Variants in TMX4 observed in about 807,000 individuals in gnomAD.
The protein encoded by TMX4 is thioredoxin related transmembrane protein 4, also known as thioredoxin-related transmembrane protein 4.
TMX4 carries 23 observed loss-of-function variants against 33.3 expected under a neutral mutation model. The ratio of observed to expected loss-of-function variants is 0.69; its 90% confidence interval spans 0.50 to 0.98. The LOEUF is 0.98. TMX4 is among the 50% of genes least tolerant of loss of function. The pLI, the probability that TMX4 is intolerant of heterozygous loss-of-function variation, is 0.00. For missense variants in TMX4, 399 were observed against 448.9 expected (o/e 0.89, Z 1.01); for synonymous variants, 164 against 161.5 (o/e 1.02, Z -0.12).
chr20:8,019,735 G>T lies in TMX4; in HGVS notation c.-122C>A. On this transcript the variant is annotated 5_prime_UTR_variant, in exon 1 of 8. Coordinates refer to ENST00000246024, the MANE Select transcript of TMX4 (RefSeq NM_021156.4). ...GAGACGCAAGGGCCACCCCGCCTAC[G>T]CCTAGCGGCGCAGACTGGCGGTGCT... 1.2e-6 allele frequency: 1 copy of T among 866,338 alleles called. No individual in the cohort carries two copies. Among genetic ancestry groups the T allele is most frequent in the Non-Finnish European group, 1.5e-6 (1 of 645,196 alleles). The allele number at this position is 866,338 out of a possible 1,614,324, so 53.7% of individuals were successfully genotyped here.
intron 3 of TMX4, among the ~76,000 whole-genome samples, chr20:8,001,068 C>G (rs1368469162): frequency 6.6e-6 from 1 of 152,172 alleles, no homozygotes; most frequent in Non-Finnish European, 1.5e-5. Flanking sequence ...ACCTGAGTCT[C>G]TCTGGCCTCA....
At chr20:8,010,738 C>T (rs2050749503) in intron 1 of TMX4, among the ~76,000 whole-genome samples, 1 of 152,086 alleles carries the variant, frequency 6.6e-6, no homozygotes, top group Non-Finnish European at 1.5e-5. Flanking sequence ...ATCTGATGGG[C>T]AGAGACCAAA....
intron 5 of TMX4, among the ~76,000 whole-genome samples, chr20:7,990,374 T>C (rs1365493289): frequency 1.3e-5 from 2 of 150,858 alleles, no homozygotes; most frequent in African/African-American, 2.5e-5. Context: ...TATACTATCA[T>C]AGTACATGAT....
At chr20:7,987,152 C>T (rs1277975937) in intron 6 of TMX4, 136 bp downstream of exon 6, 3 of 624,764 alleles carry the variant, frequency 4.8e-6, no homozygotes, top group African/African-American at 3.9e-5. Flanking sequence ...CAGTCTCAAA[C>T]AAGCAAATGC....
intron 1 of TMX4, chr20:8,013,996 C>T (rs2050762934): frequency 6.6e-6 from 1 of 152,150 alleles, no homozygotes; most frequent in African/African-American, 2.4e-5. Context: ...ATAAAGGAAA[C>T]TAAATCAAAG....
chr20:7,993,272 G>A (rs1446514401), intron 5 of TMX4, among the ~76,000 whole-genome samples: 1 of 151,986 alleles, frequency 6.6e-6, no homozygotes, highest in Non-Finnish European at 1.5e-5. Context: ...TCCATCCCTA[G>A]TCTATTTCTG....
chr20:8,017,118 G>A (rs1414147821), intron 1 of TMX4, among the ~76,000 whole-genome samples: 2 of 130,330 alleles, frequency 1.5e-5, no homozygotes, highest in Non-Finnish European at 3.3e-5. Context: ...TTCACAGCAA[G>A]GAGGAGGAGT....
chr20:7,988,099 C>G (rs1052046700), intron 5 of TMX4, among the ~76,000 whole-genome samples: 4 of 152,116 alleles, frequency 2.6e-5, no homozygotes, highest in African/African-American at 9.7e-5. Flanking sequence ...AAGAAATTAA[C>G]AGATATGAAC....
intron 1 of TMX4, chr20:8,019,216 G>A (rs2050799157): frequency 1.8e-6 from 1 of 544,484 alleles, no homozygotes; most frequent in Non-Finnish European, 3.1e-6. Context: ...CCCCACAGCC[G>A]CAGGTCGTTG....
chr20:7,993,053 C>T (rs1309826309), intron 5 of TMX4, among the ~76,000 whole-genome samples: 1 of 152,208 alleles, frequency 6.6e-6, no homozygotes, highest in East Asian at 1.9e-4. Context: ...GATATACTTA[C>T]ATCTAACCAG....
chr20:8,009,491 A>C (rs2050743533), intron 2 of TMX4, among the ~76,000 whole-genome samples: 1 of 152,080 alleles, frequency 6.6e-6, no homozygotes, highest in Non-Finnish European at 1.5e-5. Flanking sequence ...CTTTCTTCAT[A>C]ATTGAGATAC....
Position 7,978,105 on chromosome 20 carries a change from T to A in TMX4, c.*4146A>T, listed in dbSNP as rs1034172615. On this transcript the variant is annotated 3_prime_UTR_variant, in exon 8 of 8. Transcript: ENST00000246024. ...TTTCTGTTGGCATAAGAGATTTGAA[T>A]GAATTCTTTCGAAAATGTTGGTACA... 6.6e-6 allele frequency: 1 copy of A among 152,218 alleles called. No individual in the cohort carries two copies. The highest frequency in any genetic ancestry group is 1.5e-5 in the Non-Finnish European group (1 of 68,036). 9.4% of individuals were successfully genotyped at this position (152,218 alleles called of 1,614,324 possible).
At chr20:7,985,248 T>A (rs1415725724) in intron 6 of TMX4, among the ~76,000 whole-genome samples, 1 of 128,142 alleles carries the variant, frequency 7.8e-6, no homozygotes, top group Non-Finnish European at 1.7e-5. Flanking sequence ...TATATATATG[T>A]GTGTGTGTGT....
In TMX4 at chr20:7,980,301, A is replaced by C. The variant is rs972550979; in HGVS notation, c.*1950T>G. 2 of 152,220 alleles carry C rather than the reference A, an allele frequency of 1.3e-5. No homozygotes were observed. Among genetic ancestry groups the C allele is most frequent in the African/African-American group, 4.8e-5 (2 of 41,456 alleles). The allele number at this position is 152,220 out of a possible 1,614,324, so 9.4% of individuals were successfully genotyped here. Reference sequence around the variant, plus strand: ...AAAGCCAAACTATGAAACCATTCTTATTCCATAATACCTCTGAACCTGAGT... The same window carrying C: ...AAAGCCAAACTATGAAACCATTCTTCTTCCATAATACCTCTGAACCTGAGT... On this transcript the variant is annotated 3_prime_UTR_variant, in exon 8 of 8. Transcript: ENST00000246024.
At chr20:8,019,278 C>G (rs911810149) in intron 1 of TMX4, 160 bp downstream of exon 1, 4 of 862,852 alleles carry the variant, frequency 4.6e-6, no homozygotes, top group African/African-American at 1.8e-5. Context: ...TGCAGGATCG[C>G]AAGCGGCCCG....
intron 2 of TMX4, among the ~76,000 whole-genome samples, chr20:8,003,836 C>T (rs1159010545): frequency 1.3e-5 from 2 of 152,078 alleles, no homozygotes; most frequent in African/African-American, 4.8e-5. Context: ...ACAAGGCCAT[C>T]AATTAAGGTT....
intron 5 of TMX4, among the ~76,000 whole-genome samples, chr20:7,992,849 C>T (rs2050660802): frequency 6.6e-6 from 1 of 152,196 alleles, no homozygotes; most frequent in Non-Finnish European, 1.5e-5. Context: ...TAGATAATTA[C>T]TAGCTCAATA....
rs1370902790 is a variant in TMX4, at chr20:7,982,440, A to G, written c.861T>C (p.Ala287=). The G allele has an allele frequency of 5.0e-6, 8 of 1,614,052 alleles. No individual in the cohort carries two copies. In the South Asian group the frequency reaches 8.8e-5, roughly 18 times the overall value. Residue 287 remains alanine, a synonymous_variant, in exon 8 of 8, where the codon GCT becomes GCC. Transcript: ENST00000246024. ...CCTCACTTCTCTCCTCATCCACACC[A>G]GCAGCCAAGTTGTCCTCCTCCTCTT... is the stretch of plus-strand genomic sequence containing the variant. ...EEEEEEDNLA[A]GVDEERSEAN... is the part of the protein sequence containing the mutation.
intron 1 of TMX4, among the ~76,000 whole-genome samples, chr20:8,012,658 A>G (rs1010536804): frequency 6.6e-6 from 1 of 152,202 alleles, no homozygotes; most frequent in East Asian, 1.9e-4. Context: ...CGCTCTTTGC[A>G]TATAAATCAC....
Sources: gnomAD v4.1 joint callset for allele counts (sites outside exome capture counted in the v4.1 genomes callset) on GRCh38, gnomAD v4.1.1 for gene constraint, MANE v1.5 for transcripts, NCBI Gene and HGNC (gene_info 2026-07-23, HGNC 2026-07-21) for gene names.